The following BPIFC variants were observed in gnomAD, a reference collection of about 807,000 sequenced individuals.
BPIFC encodes BPI fold containing family C, also known as BPI fold-containing family C protein.
In BPIFC, 60 loss-of-function variants were observed where a neutral mutation model predicts 57.6. That is an observed-to-expected ratio of 1.04 (90% CI 0.85 to 1.29). The LOEUF (loss-of-function observed/expected upper bound fraction) is 1.29. Ranked by LOEUF, BPIFC falls within the 50% of genes most tolerant of loss-of-function variation. The pLI is 0.00. For missense variants in BPIFC, 581 were observed against 600.5 expected (o/e 0.97, Z 0.34); for synonymous variants, 243 against 224.5 (o/e 1.08, Z -0.74).
In BPIFC at chr22:32,448,762, A is replaced by G. The variant is rs551063216; in HGVS notation, c.246-1422T>C. 4.6e-5 allele frequency among the ~76,000 whole-genome samples: 7 copies of G among 152,078 alleles called. 1 individual carries two copies. In the South Asian group the frequency reaches 1.5e-3, roughly 32 times the overall value. On this transcript the variant is annotated intron_variant, in intron 4 of 16. Coordinates refer to ENST00000300399, the MANE Select transcript of BPIFC (RefSeq NM_174932.3). ...AGACCAGCCTGGCCAACATAGTGAA[A>G]CCCCGTGTCTACTAAAAATATAAAA...
At chr22:32,419,195 T>C (rs1000388931) in intron 14 of BPIFC, among the ~76,000 whole-genome samples, 167 bp downstream of exon 14, 27 of 152,200 alleles carry the variant, frequency 1.8e-4, no homozygotes, top group African/African-American at 6.3e-4. Flanking sequence ...GAATGGTTAA[T>C]GGGCTCAATT....
rs1239095143 is a variant in BPIFC at position 32,424,677 on chromosome 22, CTT to C, written c.1218-5275_1218-5274del. On this transcript the variant is annotated intron_variant, in intron 13 of 16. Coordinates refer to ENST00000300399, the MANE Select transcript of BPIFC (RefSeq NM_174932.3). ...TCTTCTTCTTCTTCTTCTTCTTCTT[CTT>C]CTTCTTCTTCTTCCTCTTCTTCTTC... Among the ~76,000 whole-genome samples the C allele has an allele frequency of 2.9e-4, 27 of 94,420 alleles. 4 individuals are homozygous for C. The highest frequency in any genetic ancestry group is 9.5e-3 in the Middle Eastern group (2 of 210). The allele number at this position is 94,420 out of a possible 152,430, so 61.9% of individuals were successfully genotyped here.
At chr22:32,431,439 A>ATTTATTTATTTTTTTTATTTT in intron 12 of BPIFC, 25 bp from the exon 13 acceptor site, 1 of 1,343,076 alleles carries the variant, frequency 7.4e-7, no homozygotes, top group Non-Finnish European at 1.1e-6. Flanking sequence ...AGCATTTATT[A>ATTTATTTATTTTTTTTATTTT]TTAAGACGAG....
At chr22:32,457,241 C>T (rs760080182) in intron 3 of BPIFC, 22 bp downstream of exon 3, 5 of 1,585,160 alleles carry the variant, frequency 3.2e-6, no homozygotes, top group Non-Finnish European at 4.3e-6. Flanking sequence ...TGAGGTCTGG[C>T]TTCTGAAAAC....
chr22:32,464,343 C>A, intron 1 of BPIFC, 31 bp downstream of exon 1: 1 of 976,176 alleles, frequency 1.0e-6, no homozygotes. Context: ...TCATGGCTGG[C>A]AGAGACCTGA....
intron 8 of BPIFC, 46 bp from the exon 9 acceptor site, chr22:32,437,897 CA>C (rs1934454403): frequency 8.6e-7 from 1 of 1,157,730 alleles, no homozygotes; most frequent in African/African-American, 1.5e-5. Flanking sequence ...TCATTAAAGG[CA>C]TAGTATAATA....
At chr22:32,463,074 A>G (rs976149903) in intron 1 of BPIFC, among the ~76,000 whole-genome samples, 1 of 152,220 alleles carries the variant, frequency 6.6e-6, no homozygotes, top group African/African-American at 2.4e-5. Flanking sequence ...ACTTTGATGG[A>G]GATCCAGGAA....
intron 7 of BPIFC, among the ~76,000 whole-genome samples, chr22:32,445,007 G>A (rs530704526): frequency 7.3e-4 from 111 of 152,300 alleles, no homozygotes; most frequent in African/African-American, 2.5e-3. Context: ...GCATGCAATA[G>A]GTACATAATA....
chr22:32,415,986 A>G lies in BPIFC; in HGVS notation c.1330T>C (p.Leu444=), dbSNP rs115332147. The change falls in exon 16 of 17, where the codon TTG becomes CTG. Residue 444 remains leucine, a synonymous_variant. Transcript: ENST00000300399. ...FGVLPLANAK[L]QQGFPLSNPH... ...TTGGACAGAGGAAATCCTTGCTGCA[A>G]TTTTGCTAAAATATAGAACAAGACG... The G allele has an allele frequency of 2.9e-3, 4,533 of 1,582,246 alleles. 130 individuals carry two copies. In the African/African-American group the frequency reaches 0.055, roughly 19 times the overall value.
At chr22:32,428,821 C>T (rs1048678245) in intron 13 of BPIFC, among the ~76,000 whole-genome samples, 1 of 152,086 alleles carries the variant, frequency 6.6e-6, no homozygotes, top group Non-Finnish European at 1.5e-5. Flanking sequence ...ATCACTTGAA[C>T]CCGGGAGGCG....
Position 32,423,025 on chromosome 22 carries a change from T to A in BPIFC, c.1218-3621A>T, listed in dbSNP as rs148626345. The stretch of plus-strand genomic sequence containing the variant: ...TGGATAAATGAGCGGATGAAGGACA[T>A]GGGTTGGGGAGTGTTTGTTGGAATT... On this transcript the variant is annotated intron_variant, in intron 13 of 16. Coordinates refer to ENST00000300399, the MANE Select transcript of BPIFC (RefSeq NM_174932.3). Among the ~76,000 whole-genome samples the A allele has an allele frequency of 2.0e-5, 3 of 152,192 alleles. No individual in the cohort carries two copies. The East Asian group carries it at 5.8e-4, about 29-fold the overall frequency.
At chr22:32,432,296 A>G in intron 12 of BPIFC, 77 bp downstream of exon 12, 1 of 1,508,480 alleles carries the variant, frequency 6.6e-7, no homozygotes, top group Non-Finnish European at 9.1e-7. Flanking sequence ...TCAAACGTTT[A>G]AAAGCTGCTG....
At chr22:32,449,382 A>G (rs931409909) in intron 4 of BPIFC, among the ~76,000 whole-genome samples, 1 of 152,242 alleles carries the variant, frequency 6.6e-6, no homozygotes, top group African/African-American at 2.4e-5. Context: ...ATGAAGATGA[A>G]GAAAAATTTA....
At position 32,456,219 on chromosome 22, in the gene BPIFC, A is replaced by G. The variant is rs569163502; in HGVS notation, c.124+1044T>C. On this transcript the variant is annotated intron_variant, in intron 3 of 16. Transcript: ENST00000300399. ...ACATCAGCACATCAGTATAGTAACA[A>G]GATACACACACATGCATATACACAT... is the stretch of plus-strand genomic sequence containing the variant. Among the ~76,000 whole-genome samples, 28 of 152,358 alleles carry G rather than the reference A, an allele frequency of 1.8e-4. No individual in the cohort carries two copies. The East Asian group carries it at 5.2e-3, about 28-fold the overall frequency.
chr22:32,424,167 G>A (rs1933930244), intron 13 of BPIFC, among the ~76,000 whole-genome samples: 1 of 152,088 alleles, frequency 6.6e-6, no homozygotes, highest in Non-Finnish European at 1.5e-5. Flanking sequence ...GGGGTGTTCT[G>A]TTTTGCTAAT....
At chr22:32,455,051 A>AT (rs58029060) in intron 3 of BPIFC, among the ~76,000 whole-genome samples, 33,373 of 130,498 alleles carry the variant, frequency 0.26, 5,136 homozygotes, top group African/African-American at 0.32. Flanking sequence ...TTTCATCTCC[A>AT]TTTTTTTTTT....
intron 13 of BPIFC, among the ~76,000 whole-genome samples, chr22:32,419,790 A>G (rs1299888124): frequency 7.5e-6 from 1 of 132,676 alleles, no homozygotes; most frequent in Non-Finnish European, 1.6e-5. Context: ...TGGGTATCAG[A>G]GTGAGACCCT....
At chr22:32,439,874 C>G (rs1386482426) in intron 8 of BPIFC, among the ~76,000 whole-genome samples, 3 of 152,294 alleles carry the variant, frequency 2.0e-5, no homozygotes, top group African/African-American at 7.2e-5. Flanking sequence ...CTCAGCTTCC[C>G]AAAGTGCTGG....
chr22:32,455,050 C>CTTTTTTTTTT (rs1392514246), intron 3 of BPIFC, among the ~76,000 whole-genome samples: 2 of 134,144 alleles, frequency 1.5e-5, no homozygotes, highest in Non-Finnish European at 1.6e-5. Context: ...TTTTCATCTC[C>CTTTTTTTTTT]ATTTTTTTTT....
Sources: allele counts gnomAD v4.1 joint callset (sites outside exome capture counted in the v4.1 genomes callset), GRCh38; gene constraint gnomAD v4.1.1; transcripts MANE v1.5; gene names NCBI Gene and HGNC (gene_info 2026-07-23, HGNC 2026-07-21).